Variants in SMG6 observed in about 807,000 individuals in gnomAD.
The protein encoded by SMG6 is telomerase-binding protein EST1A.
SMG6 carries 66 observed loss-of-function variants against 142.2 expected under a neutral mutation model. That is an observed-to-expected ratio of 0.46 (90% CI 0.38 to 0.57). The LOEUF is 0.57. Among genes scored for constraint, SMG6 ranks in the 20% least tolerant of loss-of-function variants. The pLI, the probability that SMG6 is intolerant of heterozygous loss-of-function variation, is 0.00. For synonymous variants in SMG6, 779 were observed against 702.4 expected, an observed-to-expected ratio of 1.11 and a Z score of -1.72; for missense variants, 1,793 against 1,832.0, an observed-to-expected ratio of 0.98 and a Z score of 0.39.
intron 12 of SMG6, among the ~76,000 whole-genome samples, 189 bp downstream of exon 12, chr17:2,186,474 G>C (rs1054410603): frequency 1.3e-5 from 2 of 152,104 alleles, no homozygotes; most frequent in African/African-American, 4.8e-5. Flanking sequence ...AAGAGGCCTG[G>C]AGAACAGGAA....
intron 10 of SMG6, among the ~76,000 whole-genome samples, chr17:2,196,160 G>A (rs1438749897): frequency 2.6e-5 from 4 of 152,184 alleles, no homozygotes; most frequent in Admixed American, 1.3e-4. Context: ...GTGACTCAAC[G>A]CCTGTAAACC....
intron 13 of SMG6, chr17:2,088,788 CCTT>C: frequency 1.0e-6 from 1 of 985,340 alleles, no homozygotes; most frequent in Non-Finnish European, 1.2e-6. Context: ...CACAGAGAAA[CCTT>C]CTGTCTGTAG....
At chr17:2,219,342 G>A (rs892117252) in intron 10 of SMG6, among the ~76,000 whole-genome samples, 8 of 152,108 alleles carry the variant, frequency 5.3e-5, no homozygotes, top group Non-Finnish European at 8.8e-5. Context: ...CCGAGATCGC[G>A]CCAACACACT....
At chr17:2,140,214 A>C (rs2070433946) in intron 13 of SMG6, among the ~76,000 whole-genome samples, 1 of 152,020 alleles carries the variant, frequency 6.6e-6, no homozygotes, top group South Asian at 2.1e-4. Flanking sequence ...AGGCATGTGC[A>C]ACCATGCCCA....
chr17:2,298,946 G>A lies in SMG6; in HGVS notation c.1807C>T (p.Arg603Cys), dbSNP rs139239231. The change falls in exon 2 of 19, where the codon CGC becomes TGC. Residue 603 changes from arginine (R) to cysteine (C), a missense_variant. This residue lies in a region of SMG6 where 1,597 missense variants were observed against 1,584.6 expected (regional missense o/e 1.01). Coordinates refer to ENST00000263073, the MANE Select transcript of SMG6 (RefSeq NM_017575.5). Reference protein sequence around the residue: ...LQLSNLLSRDRISPEGLEKMA... With the variant: ...LQLSNLLSRDCISPEGLEKMA... Reference sequence around the variant, plus strand: ...TTCTCCAGGCCCTCCGGACTGATGCGGTCCCTGGAGAGCAGGTTGCTGAGC... The same window carrying A: ...TTCTCCAGGCCCTCCGGACTGATGCAGTCCCTGGAGAGCAGGTTGCTGAGC... The A allele has an allele frequency of 8.4e-5, 136 of 1,613,934 alleles. No homozygotes were observed. The highest frequency in any genetic ancestry group is 3.5e-4 in the Admixed American group (21 of 59,984).
At chr17:2,252,660 G>T (rs189566034) in intron 8 of SMG6, among the ~76,000 whole-genome samples, 1 of 152,262 alleles carries the variant, frequency 6.6e-6, no homozygotes, top group Admixed American at 6.5e-5. Context: ...ACAACCCTGA[G>T]TGTATGTCTA....
chr17:2,176,748 C>T (rs905906814), intron 12 of SMG6, among the ~76,000 whole-genome samples: 14 of 152,178 alleles, frequency 9.2e-5, no homozygotes, highest in Admixed American at 2.6e-4. Context: ...CACACCAGGA[C>T]GGCAGAGCCC....
intron 8 of SMG6, among the ~76,000 whole-genome samples, chr17:2,256,353 A>G (rs2074179639): frequency 6.6e-6 from 1 of 152,022 alleles, no homozygotes; most frequent in Admixed American, 6.6e-5. Context: ...AGATGTGAAG[A>G]TTGTCATTCC....
chr17:2,281,413 G>A (rs888680796), intron 8 of SMG6, among the ~76,000 whole-genome samples: 2 of 152,152 alleles, frequency 1.3e-5, no homozygotes, highest in Non-Finnish European at 2.9e-5. Flanking sequence ...ACAGATGGGA[G>A]CCACCACACC....
At chr17:2,151,324 A>G (rs1329544017) in intron 13 of SMG6, among the ~76,000 whole-genome samples, 1 of 152,220 alleles carries the variant, frequency 6.6e-6, no homozygotes, top group Non-Finnish European at 1.5e-5. Flanking sequence ...TTTATATTCA[A>G]TTGATTTGTC....
chr17:2,105,617 G>C (rs1045640542), intron 13 of SMG6, among the ~76,000 whole-genome samples: 4 of 152,208 alleles, frequency 2.6e-5, no homozygotes, highest in African/African-American at 4.8e-5. Context: ...CAGGACAGAA[G>C]AAACAGTTCT....
chr17:2,071,771 G>A lies in SMG6; in HGVS notation c.3682-2840C>T, dbSNP rs1424247378. Among the ~76,000 whole-genome samples, 2 of 152,124 alleles carry A rather than the reference G, an allele frequency of 1.3e-5. No individual in the cohort carries two copies. The highest frequency in any genetic ancestry group is 6.5e-5 in the Admixed American group (1 of 15,278). Reference sequence around the variant, plus strand: ...GGGTCACACCTGGGTCACAAGACTGGCTCAGTCCCCTTAAAAAGAGTGGCA... The same window carrying A: ...GGGTCACACCTGGGTCACAAGACTGACTCAGTCCCCTTAAAAAGAGTGGCA... On this transcript the variant is annotated intron_variant, in intron 15 of 18. Coordinates refer to ENST00000263073, the MANE Select transcript of SMG6 (RefSeq NM_017575.5). The surrounding 1 kb of genome is among the most constrained non-coding windows in gnomAD (Gnocchi z 5.6).
At chr17:2,218,525 G>A (rs548825312) in intron 10 of SMG6, among the ~76,000 whole-genome samples, 53 of 152,216 alleles carry the variant, frequency 3.5e-4, no homozygotes, top group African/African-American at 7.7e-4. Flanking sequence ...CAGCCTGAGC[G>A]ACAGACCGAG....
chr17:2,128,391 A>G (rs2069975790), intron 13 of SMG6, among the ~76,000 whole-genome samples: 1 of 152,242 alleles, frequency 6.6e-6, no homozygotes, highest in South Asian at 2.1e-4. Context: ...TAGTTACCAT[A>G]CTAGACGGTG....
intron 8 of SMG6, among the ~76,000 whole-genome samples, chr17:2,254,157 T>A (rs932936589): frequency 2.6e-5 from 4 of 152,174 alleles, no homozygotes; most frequent in Non-Finnish European, 5.9e-5. Flanking sequence ...TTCTGCCTCA[T>A]CTCTCTCATG....
chr17:2,300,263 C>T lies in SMG6; in HGVS notation c.490G>A (p.Glu164Lys), dbSNP rs867881521. Residue 164 changes from glutamate to lysine, a missense_variant, in exon 2 of 19, where the codon GAG becomes AAG. Coordinates refer to ENST00000263073, the MANE Select transcript of SMG6 (RefSeq NM_017575.5). ...ACCTGGTTGAGGACTTCTTCCTCCT[C>T]CACCCGACTGGCGGATTCTTTGCTA... ...TVSKESASRV[E>K]EEEVLNQVEQ... 2 of 1,614,168 alleles carry T rather than the reference C, an allele frequency of 1.2e-6. No homozygotes were observed. The highest frequency in any genetic ancestry group is 1.3e-5 in the African/African-American group (1 of 75,038).
chr17:2,237,384 A>G (rs1020366727), intron 9 of SMG6: 1 of 447,694 alleles, frequency 2.2e-6, no homozygotes, highest in African/African-American at 2.1e-5. Context: ...TATTTTACCC[A>G]AGCGTTTACT....
At chr17:2,231,184 T>C (rs553334189) in intron 10 of SMG6, among the ~76,000 whole-genome samples, 4 of 152,266 alleles carry the variant, frequency 2.6e-5, no homozygotes, top group Non-Finnish European at 5.9e-5. Context: ...GTCTCTGAGA[T>C]TGTTGTATGC....
At chr17:2,301,693 T>C (rs1298480029) in intron 1 of SMG6, among the ~76,000 whole-genome samples, 1 of 151,816 alleles carries the variant, frequency 6.6e-6, no homozygotes, top group African/African-American at 2.4e-5. Context: ...ATACAAAAAA[T>C]TAGCCGGGCG....
Sources: gnomAD v4.1 joint callset for allele counts (sites outside exome capture counted in the v4.1 genomes callset) on GRCh38, gnomAD v4.1.1 for gene constraint, gnomAD v4.1.1 regional missense constraint, Gnocchi (gnomAD v3.1) non-coding constraint, MANE v1.5 for transcripts, NCBI Gene and HGNC (gene_info 2026-07-23, HGNC 2026-07-21) for gene names.